SNORC: variants seen among roughly 807,000 people sequenced by gnomAD.
SNORC encodes protein SNORC.
Under a neutral mutation model 9.7 loss-of-function variants are expected in SNORC, and 11 were observed. That is an observed-to-expected ratio of 1.14 (90% CI 0.72 to 1.88). SNORC has a LOEUF of 1.88. Among genes scored for constraint, SNORC ranks in the 40% most tolerant of loss-of-function variants. The probability of loss-of-function intolerance (pLI) is 0.00; values close to 1 mark genes in which losing one functional copy is unlikely to be tolerated. For missense variants in SNORC, 197 were observed against 173.1 expected (o/e 1.14, Z -0.77); for synonymous variants, 108 against 88.7 (o/e 1.22, Z -1.22).
chr2:232,876,175 G>A lies in SNORC; in HGVS notation c.256+53G>A, dbSNP rs1201808599. 3 of 1,211,166 alleles carry A rather than the reference G, an allele frequency of 2.5e-6. No homozygotes were observed. The East Asian group carries it at 8.4e-5, about 34-fold the overall frequency. The allele number at this position is 1,211,166 out of a possible 1,614,324, so 75.0% of individuals were successfully genotyped here. On this transcript the variant is annotated intron_variant, in intron 2 of 2. Transcript: ENST00000331342. The surrounding 1 kb of genome is among the most constrained non-coding windows in gnomAD (Gnocchi z 6.8). ...AGAGGGAGAAATTAGGAGGGGCGGG[G>A]GGCGGGGGGCGCGGGGAGAAGGGCC...
chr2:232,874,138 G>A (rs1158935160), intron 1 of SNORC, among the ~76,000 whole-genome samples: 1 of 152,208 alleles, frequency 6.6e-6, no homozygotes, highest in African/African-American at 2.4e-5. Context: ...AAGATGTGAA[G>A]TTTACAGAAA....
chr2:232,876,305 C>G lies in SNORC; in HGVS notation c.315C>G (p.Cys105Trp). 1 of 1,537,118 alleles carries G rather than the reference C, an allele frequency of 6.5e-7. No homozygotes were observed. The highest frequency in any genetic ancestry group is 1.4e-5 in the African/African-American group (1 of 70,188). ...TGATCGCCGCCCTGCTGGCCACCTGCGTGGTGCTGGCGCTCGTGGTCGTCG... is the reference window on the plus strand; with the variant it reads ...TGATCGCCGCCCTGCTGGCCACCTGGGTGGTGCTGGCGCTCGTGGTCGTCG... Residue 105 changes from cysteine to tryptophan, a missense_variant, in exon 3 of 3, where the codon TGC becomes TGG. Physicochemically the swap from Cys to Trp is radical, Grantham distance 215 (BLOSUM62 -2). Coordinates refer to ENST00000331342, the Ensembl canonical transcript of SNORC. This position sits in a 1 kb window ranked among gnomAD's most constrained non-coding sequence, Gnocchi z 6.8.
chr2:232,875,253 C>T (rs563182156), intron 1 of SNORC, among the ~76,000 whole-genome samples: 5 of 152,308 alleles, frequency 3.3e-5, no homozygotes, highest in Admixed American at 6.5e-5. Context: ...GCAGGAGAAT[C>T]GCTTGCTTGA....
At chr2:232,869,373 G>A (rs778340), upstream of SNORC, among the ~76,000 whole-genome samples, 95,087 of 151,966 alleles carry the variant, frequency 0.63, 30,072 homozygotes, top group African/African-American at 0.68. Flanking sequence ...CCCTTAGCGC[G>A]GTGGGAAACC....
downstream of SNORC, chr2:232,876,786 C>T (rs1475234225): frequency 1.3e-5 from 13 of 985,158 alleles, no homozygotes; most frequent in African/African-American, 1.2e-4. This position sits in a 1 kb window ranked among gnomAD's most constrained non-coding sequence, Gnocchi z 6.8. Flanking sequence ...GGCACCGTCA[C>T]GGTCAGGGCC....
At chr2:232,875,651 AC>A in intron 1 of SNORC, 1 of 521,190 alleles carries the variant, frequency 1.9e-6, no homozygotes, top group Non-Finnish European at 3.5e-6. Flanking sequence ...GTCCCTGGGT[AC>A]CCCAAATCCT....
At chr2:232,868,229 T>C (rs1690913352), upstream of SNORC, among the ~76,000 whole-genome samples, 1 of 151,272 alleles carries the variant, frequency 6.6e-6, no homozygotes, top group African/African-American at 2.4e-5. Flanking sequence ...TCCAAGTAGC[T>C]GGGACTACAG....
At chr2:232,876,408 A>G (rs1691245703), downstream of SNORC, 2 of 1,483,990 alleles carry the variant, frequency 1.3e-6, no homozygotes, top group Admixed American at 2.4e-5. The surrounding 1 kb of genome is among the most constrained non-coding windows in gnomAD (Gnocchi z 6.8). Context: ...TGCACTCCTC[A>G]CGCGCCTGTA....
At chr2:232,870,554 A>G in intron 1 of SNORC, 140 bp downstream of exon 1, 1 of 840,962 alleles carries the variant, frequency 1.2e-6, no homozygotes, top group South Asian at 1.7e-5. Context: ...GATTCTGCGA[A>G]GAGCTCTTGT....
chr2:232,875,999 G>A (rs1272126473), exon 2 of SNORC: 2 of 1,554,456 alleles, frequency 1.3e-6, no homozygotes, highest in Non-Finnish European at 8.7e-7. Context: ...GCTGCCGTCG[G>A]GAGAAGGCCC....
At chr2:232,876,808 G>A, downstream of SNORC, 1 of 985,328 alleles carries the variant, frequency 1.0e-6, no homozygotes, top group Non-Finnish European at 1.2e-6. The surrounding 1 kb of genome is among the most constrained non-coding windows in gnomAD (Gnocchi z 6.8). Context: ...CGCCACGGGC[G>A]GCCCCTTCTC....
chr2:232,877,319 GCCTGGTCCAGGGT>G, downstream of SNORC: 1 of 985,440 alleles, frequency 1.0e-6, no homozygotes, highest in Non-Finnish European at 1.2e-6. Flanking sequence ...AGGGTGAGGA[GCCTGGTCCAGGGT>G]CCCCACCTCG....
intron 1 of SNORC, among the ~76,000 whole-genome samples, chr2:232,872,013 C>T (rs1236858768): frequency 6.6e-6 from 1 of 152,250 alleles, no homozygotes; most frequent in Non-Finnish European, 1.5e-5. Context: ...CCTCACTGCC[C>T]CACTTCCCTC....
chr2:232,871,807 G>A (rs1320720708), intron 1 of SNORC, among the ~76,000 whole-genome samples: 1 of 152,208 alleles, frequency 6.6e-6, no homozygotes, highest in Non-Finnish European at 1.5e-5. Context: ...GTGGGCCGAA[G>A]GGGAGGCCCT....
At chr2:232,872,891 G>A (rs189293563) in intron 1 of SNORC, among the ~76,000 whole-genome samples, 15 of 152,342 alleles carry the variant, frequency 9.8e-5, no homozygotes, top group Admixed American at 7.8e-4. Context: ...CCCTGGCAGC[G>A]GCACCCCTTT....
At chr2:232,877,033 G>GT, downstream of SNORC, 1 of 985,634 alleles carries the variant, frequency 1.0e-6, no homozygotes, top group Non-Finnish European at 1.2e-6. Context: ...AGGCCGCGTG[G>GT]TTTTGGGGGA....
downstream of SNORC, chr2:232,877,877 G>C (rs953566754): frequency 6.6e-6 from 1 of 152,264 alleles, no homozygotes; most frequent in Non-Finnish European, 1.5e-5. Flanking sequence ...CAGAGCGGAC[G>C]ATCCAACCCA....
intron 1 of SNORC, 90 bp from the exon 2 acceptor site, chr2:232,875,850 T>TACC: frequency 1.5e-6 from 2 of 1,352,506 alleles, no homozygotes; most frequent in Non-Finnish European, 9.9e-7. Context: ...CACACAGCGC[T>TACC]ACCGGCAACT....
chr2:232,876,883 C>T, downstream of SNORC: 1 of 985,484 alleles, frequency 1.0e-6, no homozygotes. The surrounding 1 kb of genome is among the most constrained non-coding windows in gnomAD (Gnocchi z 6.8). Flanking sequence ...GGGCCTGCCT[C>T]CCATCCCGCT....
Sources: allele counts gnomAD v4.1 joint callset (sites outside exome capture counted in the v4.1 genomes callset), GRCh38; gene constraint gnomAD v4.1.1; non-coding constraint Gnocchi (gnomAD v3.1); transcripts MANE v1.5; gene names NCBI Gene and HGNC (gene_info 2026-07-23, HGNC 2026-07-21).